CEL: variants seen among roughly 807,000 people sequenced by gnomAD.
The protein encoded by CEL is carboxyl ester lipase.
Under a neutral mutation model 57.1 loss-of-function variants are expected in CEL, and 39 were observed. The ratio of observed to expected loss-of-function variants is 0.68; its 90% CI spans 0.53 to 0.89. The LOEUF (loss-of-function observed/expected upper bound fraction) is 0.89. CEL is among the 40% of genes least tolerant of loss of function. The pLI, the probability that CEL is intolerant of heterozygous loss-of-function variation, is 0.00. For synonymous variants in CEL, 314 were observed against 396.6 expected (o/e 0.79, Z 2.48); for missense variants, 698 against 915.0 (o/e 0.76, Z 3.06).
Position 133,065,021 on chromosome 9 carries a change from A to G in CEL, c.341-19A>G, listed in dbSNP as rs1830153410. 2 of 1,608,704 alleles carry G rather than the reference A, an allele frequency of 1.2e-6. No individual in the cohort carries two copies. Among genetic ancestry groups the G allele is most frequent in the Non-Finnish European group, 1.7e-6 (2 of 1,179,068 alleles). On this transcript the variant is annotated intron_variant, in intron 3 of 10. Coordinates refer to ENST00000372080, the MANE Select transcript of CEL (RefSeq NM_001807.6). Reference sequence around the variant, plus strand: ...GCCAGGCGGGGCGTCTGGGGTCACCAGCCGCTCCCCCATCTCAGTCTCCCG... The same window carrying G: ...GCCAGGCGGGGCGTCTGGGGTCACCGGCCGCTCCCCCATCTCAGTCTCCCG...
intron 6 of CEL, 35 bp from the exon 7 acceptor site, chr9:133,067,053 C>G (rs746951446): frequency 1.1e-5 from 18 of 1,609,282 alleles, no homozygotes; most frequent in Non-Finnish European, 1.1e-5. Context: ...TGAGCTCCGG[C>G]CTCACCTACC....
intron 10 of CEL, 142 bp from the exon 11 acceptor site, chr9:133,070,845 A>C: frequency 2.5e-6 from 3 of 1,223,444 alleles, no homozygotes; most frequent in Middle Eastern, 2.7e-4. Context: ...GCACGTGCAC[A>C]GCCAGTGCCC....
chr9:133,062,882 G>A (rs1329764257), intron 1 of CEL, among the ~76,000 whole-genome samples: 11 of 151,542 alleles, frequency 7.3e-5, no homozygotes, highest in Non-Finnish European at 1.5e-4. Flanking sequence ...CCGGGTCCGG[G>A]TCCCTCCAGA....
chr9:133,064,965 G>A (rs1239006520), intron 3 of CEL, 75 bp from the exon 4 acceptor site: 4 of 1,590,378 alleles, frequency 2.5e-6, no homozygotes, highest in Non-Finnish European at 3.4e-6. Context: ...GGCACCTGCT[G>A]CACAGGGACA....
Position 133,066,677 on chromosome 9 carries a change from G to A in CEL, c.669+17G>A, listed in dbSNP as rs1484003932. ...TCTCTGCAGGTCTCGGGATCCCTGTGGGGAGGGCCTGCCCCACAGGTTGAG... is the reference window on the plus strand; with the variant it reads ...TCTCTGCAGGTCTCGGGATCCCTGTAGGGAGGGCCTGCCCCACAGGTTGAG... On this transcript the variant is annotated intron_variant, in intron 5 of 10. Transcript: ENST00000372080. The surrounding 1 kb of genome is among the most constrained non-coding windows in gnomAD (Gnocchi z 4.3). 7 of 1,611,944 alleles carry A rather than the reference G, an allele frequency of 4.3e-6. No individual in the cohort carries two copies. The East Asian group carries it at 1.3e-4, about 31-fold the overall frequency.
rs199615228 is a variant in CEL at position 133,066,564 on chromosome 9, T to C, written c.573T>C (p.Ile191=). ...GCCTTCGGGATCAGCACATGGCCAT[T>C]GCTTGGGTGAAGAGGAATATCGCGG... The part of the protein sequence containing the change: ...NYGLRDQHMA[I]AWVKRNIAAF... The change falls in exon 5 of 11, where the codon ATT becomes ATC. Residue 191 remains isoleucine (I), a synonymous_variant. Transcript: ENST00000372080. This position sits in a 1 kb window ranked among gnomAD's most constrained non-coding sequence, Gnocchi z 4.3. The C allele has an allele frequency of 2.3e-4, 365 of 1,613,910 alleles. 2 individuals are homozygous for C. In the African/African-American group the frequency reaches 4.4e-3, roughly 20 times the overall value.
At chr9:133,070,429 C>A (rs754778882) in intron 9 of CEL, 32 bp from the exon 10 acceptor site, 1 of 1,591,424 alleles carries the variant, frequency 6.3e-7, no homozygotes, top group Non-Finnish European at 8.6e-7. Context: ...CCAGTGAGCA[C>A]CCTGCCTACT....
chr9:133,068,945 A>G, intron 8 of CEL, 87 bp downstream of exon 8: 1 of 1,019,166 alleles, frequency 9.8e-7, no homozygotes, highest in Non-Finnish European at 1.5e-6. Flanking sequence ...TGGAGGAGGA[A>G]GGCATTGAGT....
At position 133,065,846 on chromosome 9, in the gene CEL, C is replaced by CAA. The variant is rs34365056; in HGVS notation, c.538+631_538+632dup. On this transcript the variant is annotated intron_variant, in intron 4 of 10. Coordinates refer to ENST00000372080, the MANE Select transcript of CEL (RefSeq NM_001807.6). ...GGAGAACAAGAGTAAAACTCTGTCT[C>CAA]AAAAAAAAAAAAAAAAAAAAAAATA... 7.6e-3 allele frequency among the ~76,000 whole-genome samples: 577 copies of CAA among 75,510 alleles called. 11 individuals are homozygous for CAA. The highest frequency in any genetic ancestry group is 0.019 in the Middle Eastern group (2 of 108). The allele number at this position is 75,510 out of a possible 152,430, so 49.5% of individuals were successfully genotyped here.
In CEL at chr9:133,065,846, CAA is replaced by C. The variant is rs34365056; in HGVS notation, c.538+631_538+632del. The stretch of plus-strand genomic sequence containing the variant: ...GGAGAACAAGAGTAAAACTCTGTCT[CAA>C]AAAAAAAAAAAAAAAAAAAAATAGC... On this transcript the variant is annotated intron_variant, in intron 4 of 10. Transcript: ENST00000372080. 1.7e-3 allele frequency among the ~76,000 whole-genome samples: 127 copies of C among 75,836 alleles called. No individual in the cohort carries two copies. In the South Asian group the frequency reaches 0.02, roughly 12 times the overall value. 49.8% of individuals were successfully genotyped at this position (75,836 alleles called of 152,430 possible).
chr9:133,064,268 G>T, intron 1 of CEL, 136 bp from the exon 2 acceptor site: 8 of 1,136,692 alleles, frequency 7.0e-6, no homozygotes, highest in Non-Finnish European at 1.0e-5. Context: ...GGTGCTGCCT[G>T]GGTCTCCTGT....
rs201133893 is a variant in CEL, at chr9:133,071,664, G to A, written c.2162G>A (p.Gly721Glu). Residue 721 changes from glycine (G) to glutamate (E), a missense_variant, in exon 11 of 11, where the codon GGG (glycine) becomes GAG (glutamate). Gly to Glu is a moderately conservative substitution (Grantham distance 98). Coordinates refer to ENST00000372080, the MANE Select transcript of CEL (RefSeq NM_001807.6). ...TAPVPPTGDS[G>E]APPVPPTGDS... The stretch of plus-strand genomic sequence containing the variant: ...CCCGTGCCGCCCACGGGTGACTCCG[G>A]GGCCCCCCCTGTGCCCCCCACGGGT... The A allele has an allele frequency of 3.6e-4, 563 of 1,568,424 alleles. 4 individuals are homozygous for A. The highest frequency in any genetic ancestry group is 4.5e-4 in the Non-Finnish European group (513 of 1,151,530).
rs1259368354 is a variant in CEL at position 133,071,679 on chromosome 9, C to T, written c.2177C>T (p.Pro726Leu). 1.2e-6 allele frequency: 2 copies of T among 1,603,288 alleles called. No individual in the cohort carries two copies. Among genetic ancestry groups the T allele is most frequent in the Non-Finnish European group, 1.7e-6 (2 of 1,172,498 alleles). Residue 726 changes from proline (P) to leucine (L), a missense_variant, in exon 11 of 11, where the codon CCC (proline) becomes CTC (leucine). This residue lies in a region of CEL where 238 missense variants were observed against 213.7 expected (regional missense o/e 1.11). Transcript: ENST00000372080. ...GGTGACTCCGGGGCCCCCCCTGTGC[C>T]CCCCACGGGTGACTCTGAGGCTGCC... Reference protein sequence around the residue: ...PTGDSGAPPVPPTGDSEAAPV... With the variant: ...PTGDSGAPPVLPTGDSEAAPV...
intron 4 of CEL, 74 bp downstream of exon 4, chr9:133,065,311 C>A: frequency 6.5e-7 from 1 of 1,531,706 alleles, no homozygotes; most frequent in Non-Finnish European, 9.0e-7. Flanking sequence ...TCCTCAGCAC[C>A]CCTCACCCCA....
rs148658246 is a variant in CEL at position 133,063,511 on chromosome 9, T to TC, written c.67-889dup. Among the ~76,000 whole-genome samples, 756 of 152,238 alleles carry TC rather than the reference T, an allele frequency of 5.0e-3. 5 individuals carry two copies. The highest frequency in any genetic ancestry group is 0.014 in the South Asian group (68 of 4,824). On this transcript the variant is annotated intron_variant, in intron 1 of 10. Transcript: ENST00000372080. Reference sequence around the variant, plus strand: ...TGGGGGTGTAGGGCCACCCTGCCCTTCCCCACCTGGAACCTGGCACAGGTG... The same window carrying TC: ...TGGGGGTGTAGGGCCACCCTGCCCTTCCCCCACCTGGAACCTGGCACAGGTG...
At position 133,066,965 on chromosome 9, in the gene CEL, GCTGGGC is replaced by G; in HGVS notation, c.777+21_777+26del. 2.5e-6 allele frequency: 4 copies of G among 1,576,828 alleles called. No homozygotes were observed. The highest frequency in any genetic ancestry group is 3.5e-6 in the Non-Finnish European group (4 of 1,147,748). ...AAAAAGGTAAACGGAGGAGGGCAGG[GCTGGGC>G]GGGGTGGGGGCTGTCCACATTTCCG... On this transcript the variant is annotated intron_variant, in intron 6 of 10. Coordinates refer to ENST00000372080, the MANE Select transcript of CEL (RefSeq NM_001807.6). The surrounding 1 kb of genome is among the most constrained non-coding windows in gnomAD (Gnocchi z 4.3).
chr9:133,065,207 T>C lies in CEL; in HGVS notation c.508T>C (p.Phe170Leu). The change falls in exon 4 of 11, where the codon TTC becomes CTC. Residue 170 changes from phenylalanine (F) to leucine (L), a missense_variant. This residue lies in a region of CEL where 327 missense variants were observed against 374.1 expected (regional missense o/e 0.87). Coordinates refer to ENST00000372080, the MANE Select transcript of CEL (RefSeq NM_001807.6). Reference sequence around the variant, plus strand: ...CAACTACCGTGTCGGCCCCCTTGGGTTCCTCAGCACTGGGGACGCCAATCT... The same window carrying C: ...CAACTACCGTGTCGGCCCCCTTGGGCTCCTCAGCACTGGGGACGCCAATCT... ...TFNYRVGPLG[F>L]LSTGDANLPG... 1.9e-6 allele frequency: 3 copies of C among 1,613,534 alleles called. No homozygotes were observed. The highest frequency in any genetic ancestry group is 2.5e-6 in the Non-Finnish European group (3 of 1,179,974).
chr9:133,070,026 G>A (rs1207163851), intron 9 of CEL, among the ~76,000 whole-genome samples: 2 of 151,934 alleles, frequency 1.3e-5, no homozygotes, highest in Non-Finnish European at 2.9e-5. Context: ...ATACGAAAAA[G>A]ATAGGAAGAT....
intron 9 of CEL, among the ~76,000 whole-genome samples, chr9:133,069,947 G>A (rs1265152121): frequency 6.6e-6 from 1 of 151,868 alleles, no homozygotes; most frequent in African/African-American, 2.4e-5. Context: ...CTCCAGCAGG[G>A]GCAACAGAGT....
Sources: allele counts gnomAD v4.1 joint callset (sites outside exome capture counted in the v4.1 genomes callset), GRCh38; gene constraint gnomAD v4.1.1; regional missense constraint gnomAD v4.1.1; non-coding constraint Gnocchi (gnomAD v3.1); transcripts MANE v1.5; gene names NCBI Gene and HGNC (gene_info 2026-07-23, HGNC 2026-07-21).